APC2: variants seen among roughly 807,000 people sequenced by gnomAD.
The protein encoded by APC2 is APC regulator of Wnt signaling pathway 2, also known as adenomatous polyposis coli protein 2.
APC2 carries 41 observed loss-of-function variants against 72.5 expected under a neutral mutation model. That is an observed-to-expected ratio of 0.57 (90% CI 0.44 to 0.73). The LOEUF is 0.73. Among genes scored for constraint, APC2 ranks in the 30% least tolerant of loss-of-function variants. The pLI is 0.00. For synonymous variants in APC2, 1,898 were observed against 1,612.0 expected (o/e 1.18, Z -4.25); for missense variants, 3,729 against 3,403.4 (o/e 1.10, Z -2.38).
At position 1,470,002 on chromosome 19, in the gene APC2, G is replaced by T; in HGVS notation, c.6701G>T (p.Ser2234Ile). 1 of 1,540,824 alleles carries T rather than the reference G, an allele frequency of 6.5e-7. No homozygotes were observed. ...SLLGSDVDGP[S>I]LAKAPISAPF... The stretch of plus-strand genomic sequence containing the variant: ...CTCGGCAGCGACGTGGACGGTCCCA[G>T]CCTCGCCAAGGCTCCCATCTCCGCA... The change falls in exon 15 of 15, where the codon AGC (serine) becomes ATC (isoleucine). Residue 2234 changes from serine (S) to isoleucine (I), a missense_variant. Coordinates refer to ENST00000590469, the MANE Select transcript of APC2 (RefSeq NM_005883.3).
Position 1,469,733 on chromosome 19 carries a change from G to A in APC2, c.6432G>A (p.Thr2144=). Residue 2144 remains threonine, a synonymous_variant, in exon 15 of 15, where the codon ACG becomes ACA. Coordinates refer to ENST00000590469, the MANE Select transcript of APC2 (RefSeq NM_005883.3). The part of the protein sequence containing the change: ...RPLPRVAAPG[T]TWRRIRDEDV... ...TCCCCAGGGTGGCCGCGCCGGGCACGACCTGGCGGCGCATCCGAGATGAGG... is the reference window on the plus strand; with the variant it reads ...TCCCCAGGGTGGCCGCGCCGGGCACAACCTGGCGGCGCATCCGAGATGAGG... 1 of 1,470,794 alleles carries A rather than the reference G, an allele frequency of 6.8e-7. No individual in the cohort carries two copies. Among genetic ancestry groups the A allele is most frequent in the African/African-American group, 1.5e-5 (1 of 67,758 alleles). The allele number at this position is 1,470,794 out of a possible 1,614,324, so 91.1% of individuals were successfully genotyped here.
chr19:1,464,428 C>T (rs1389917757), intron 14 of APC2, among the ~76,000 whole-genome samples: 1 of 151,912 alleles, frequency 6.6e-6, no homozygotes, highest in African/African-American at 2.4e-5. Context: ...TCGTGGCTCA[C>T]GCCTGTAATC....
Position 1,457,373 on chromosome 19 carries a change from C to A in APC2, c.1207+130C>A, listed in dbSNP as rs1187455580. On this transcript the variant is annotated intron_variant, in intron 9 of 14. Transcript: ENST00000590469. ...GCGTTGGAGGCTGCAGTACCAGGCT[C>A]CGGCCGAGGCCTGTGGGGGCATTTG... 5.4e-6 allele frequency: 7 copies of A among 1,299,702 alleles called. No homozygotes were observed. The South Asian group carries it at 9.7e-5, about 18-fold the overall frequency. 80.5% of individuals were successfully genotyped at this position (1,299,702 alleles called of 1,614,324 possible).
chr19:1,457,329 C>G (rs1260261037), intron 9 of APC2, 86 bp downstream of exon 9: 19 of 1,436,926 alleles, frequency 1.3e-5, no homozygotes, highest in Middle Eastern at 5.0e-4. Context: ...GACCTCCAGC[C>G]TTTGCTGCCT....
At chr19:1,464,908 C>G (rs2083981642) in intron 14 of APC2, among the ~76,000 whole-genome samples, 1 of 151,154 alleles carries the variant, frequency 6.6e-6, no homozygotes. Context: ...ACTGGGATTA[C>G]AGGTGTGATC....
rs916434537 is a variant in APC2 at position 1,472,702 on chromosome 19, C to G, written c.*2489C>G. On this transcript the variant is annotated 3_prime_UTR_variant, in exon 15 of 15. Transcript: ENST00000590469. ...CCAGCTGTCTCCAGAAGGGGACAGG[C>G]AGTCCGCGGTCTCTGGACAATCAAC... The G allele has an allele frequency of 6.6e-6, 1 of 152,176 alleles. No homozygotes were observed. Among genetic ancestry groups the G allele is most frequent in the African/African-American group, 2.4e-5 (1 of 41,386 alleles). 9.4% of individuals were successfully genotyped at this position (152,176 alleles called of 1,614,324 possible). A position where few individuals can be genotyped will look rare whatever the true frequency, so the allele number is the denominator to read the frequency against.
chr19:1,465,495 G>T lies in APC2; in HGVS notation c.2194G>T (p.Ala732Ser), dbSNP rs1666770955. Residue 732 changes from alanine to serine, a missense_variant, in exon 15 of 15, where the codon GCA becomes TCA. Ala to Ser is a moderately conservative substitution (Grantham distance 99, BLOSUM62 1). Transcript: ENST00000590469. ...KQRALEAELD[A>S]RHLAQALEHL... is the part of the protein sequence containing the mutation. Reference sequence around the variant, plus strand: ...GCGGGCGCTGGAGGCCGAGCTGGACGCACGGCACCTCGCGCAGGCGCTGGA... The same window carrying T: ...GCGGGCGCTGGAGGCCGAGCTGGACTCACGGCACCTCGCGCAGGCGCTGGA... 1.3e-6 allele frequency: 2 copies of T among 1,525,338 alleles called. No homozygotes were observed. Among genetic ancestry groups the T allele is most frequent in the Admixed American group, 4.1e-5 (2 of 48,918 alleles). The allele number at this position is 1,525,338 out of a possible 1,614,324, so 94.5% of individuals were successfully genotyped here. A position where few individuals can be genotyped will look rare whatever the true frequency, so the allele number is the denominator to read the frequency against.
intron 11 of APC2, 71 bp from the exon 12 acceptor site, chr19:1,460,709 G>A: frequency 6.8e-7 from 1 of 1,474,086 alleles, no homozygotes; most frequent in South Asian, 1.2e-5. Context: ...ACACAGACGG[G>A]GCTGGGAGGT....
chr19:1,446,556 C>T (rs1437791495), upstream of APC2, among the ~76,000 whole-genome samples: 1 of 151,866 alleles, frequency 6.6e-6, no homozygotes, highest in Admixed American at 6.6e-5. The surrounding 1 kb of genome is among the most constrained non-coding windows in gnomAD (Gnocchi z 6.1). Flanking sequence ...TCTCGTGCGC[C>T]GCTGCGACCC....
rs937704997 is a variant in APC2 at position 1,452,602 on chromosome 19, G to C, written c.-18-382G>C. On this transcript the variant is annotated intron_variant, in intron 1 of 14. Coordinates refer to ENST00000590469, the MANE Select transcript of APC2 (RefSeq NM_005883.3). The surrounding 1 kb of genome is among the most constrained non-coding windows in gnomAD (Gnocchi z 5.1). ...CTGGGGGTGCTGGGCTGGCCAGTCGGCTTGCTGGGTTAGGCTGTCCCAGCT... is the reference window on the plus strand; with the variant it reads ...CTGGGGGTGCTGGGCTGGCCAGTCGCCTTGCTGGGTTAGGCTGTCCCAGCT... 6 of 194,028 alleles carry C rather than the reference G, an allele frequency of 3.1e-5. No individual in the cohort carries two copies. Among genetic ancestry groups the C allele is most frequent in the East Asian group, 1.4e-4 (1 of 7,002 alleles). The allele number at this position is 194,028 out of a possible 1,614,324, so 12.0% of individuals were successfully genotyped here.
Position 1,453,417 on chromosome 19 carries a change from C to T in APC2, c.233-14C>T. The stretch of plus-strand genomic sequence containing the variant: ...GCAGGGCCGCTGACCTCCGCCCTGT[C>T]CCCGCCCATCCAGCCCTACAGATGG... On this transcript the variant is annotated splice_polypyrimidine_tract_variant and intron_variant, in intron 3 of 14. Coordinates refer to ENST00000590469, the MANE Select transcript of APC2 (RefSeq NM_005883.3). The T allele has an allele frequency of 6.2e-7, 1 of 1,603,996 alleles. No individual in the cohort carries two copies. The highest frequency in any genetic ancestry group is 8.5e-7 in the Non-Finnish European group (1 of 1,173,600).
Position 1,462,084 on chromosome 19 carries a change from A to G in APC2, c.1760A>G (p.Tyr587Cys), listed in dbSNP as rs143029309. The G allele has an allele frequency of 1.2e-6, 2 of 1,612,950 alleles. No homozygotes were observed. Among genetic ancestry groups the G allele is most frequent in the Admixed American group, 1.7e-5 (1 of 60,010 alleles). Residue 587 changes from tyrosine (Y) to cysteine (C), a missense_variant, in exon 14 of 15, where the codon TAC becomes TGC. Tyr to Cys is a radical substitution (Grantham distance 194, BLOSUM62 -2). Coordinates refer to ENST00000590469, the MANE Select transcript of APC2 (RefSeq NM_005883.3). ...GGCTTCCTGGTGAGCACCCTGACCT[A>G]CAAGTGTCAGAGCAACTCGCTGGCC... Reference protein sequence around the residue: ...ALGFLVSTLTYKCQSNSLAII... With the variant: ...ALGFLVSTLTCKCQSNSLAII...
chr19:1,465,710 C>T lies in APC2; in HGVS notation c.2409C>T (p.Ser803=), dbSNP rs746472168. ...AGCCAGCCAGCCCTGCCGCGCTGTC[C>T]CTCTTCCTGGGCAGCCCCTTCCTGC... The part of the protein sequence containing the change: ...TGEPASPAAL[S]LFLGSPFLQG... Residue 803 remains serine (S), a synonymous_variant, in exon 15 of 15, where the codon TCC becomes TCT. Coordinates refer to ENST00000590469, the MANE Select transcript of APC2 (RefSeq NM_005883.3). The T allele has an allele frequency of 1.9e-6, 3 of 1,575,524 alleles. No homozygotes were observed. The highest frequency in any genetic ancestry group is 2.3e-5 in the South Asian group (2 of 86,810).
chr19:1,469,548 C>T lies in APC2; in HGVS notation c.6247C>T (p.Arg2083Cys), dbSNP rs1462767309. 12 of 1,222,038 alleles carry T rather than the reference C, an allele frequency of 9.8e-6. No homozygotes were observed. Among genetic ancestry groups the T allele is most frequent in the South Asian group, 1.8e-5 (1 of 55,122 alleles). The allele number at this position is 1,222,038 out of a possible 1,614,324, so 75.7% of individuals were successfully genotyped here. A position where few individuals can be genotyped will look rare whatever the true frequency, so the allele number is the denominator to read the frequency against. ...ARRTTSESPS[R>C]LPVRAPAARP... The stretch of plus-strand genomic sequence containing the variant: ...GCGCACCACCTCCGAGAGCCCGTCC[C>T]GCCTGCCTGTGCGCGCGCCCGCCGC... The change falls in exon 15 of 15, where the codon CGC (arginine) becomes TGC (cysteine). Residue 2083 changes from arginine (R) to cysteine (C), a missense_variant. Physicochemically the swap from Arg to Cys is radical, Grantham distance 180 (BLOSUM62 -3). Transcript: ENST00000590469.
chr19:1,465,489 C>G lies in APC2; in HGVS notation c.2188C>G (p.Leu730Val). ...VRKQRALEAE[L>V]DARHLAQALE... ...CAAGCAGCGGGCGCTGGAGGCCGAG[C>G]TGGACGCACGGCACCTCGCGCAGGC... is the stretch of plus-strand genomic sequence containing the variant. The change falls in exon 15 of 15, where the codon CTG becomes GTG. Residue 730 changes from leucine (L) to valine (V), a missense_variant. Leu to Val is a conservative substitution (Grantham distance 32). Transcript: ENST00000590469. The G allele has an allele frequency of 6.5e-7, 1 of 1,527,468 alleles. No individual in the cohort carries two copies. Among genetic ancestry groups the G allele is most frequent in the African/African-American group, 1.4e-5 (1 of 72,010 alleles). 94.6% of individuals were successfully genotyped at this position (1,527,468 alleles called of 1,614,324 possible).
rs1463348013 is a variant in APC2, at chr19:1,462,128, G to A, written c.1804G>A (p.Gly602Ser). The A allele has an allele frequency of 7.4e-6, 12 of 1,612,184 alleles. No individual in the cohort carries two copies. Among genetic ancestry groups the A allele is most frequent in the South Asian group, 4.4e-5 (4 of 91,068 alleles). ...GCTGGCCATCATCGAGAGCGGCGGCGGCATCCTCCGCAATGTGTCCAGCCT... is the reference window on the plus strand; with the variant it reads ...GCTGGCCATCATCGAGAGCGGCGGCAGCATCCTCCGCAATGTGTCCAGCCT... ...NSLAIIESGG[G>S]ILRNVSSLVA... Residue 602 changes from glycine (G) to serine (S), a missense_variant, in exon 14 of 15, where the codon GGC becomes AGC. Gly to Ser is a moderately conservative substitution (Grantham distance 56). Coordinates refer to ENST00000590469, the MANE Select transcript of APC2 (RefSeq NM_005883.3).
Position 1,457,167 on chromosome 19 carries a change from C to T in APC2, c.1131C>T (p.Ile377=). The change falls in exon 9 of 15, where the codon ATC becomes ATT. Residue 377 remains isoleucine, a synonymous_variant. Coordinates refer to ENST00000590469, the MANE Select transcript of APC2 (RefSeq NM_005883.3). ...GCGTCCTGCACGTGCTGGAGCAGATCCGGGCCTACTGCGAGACCTGCTGGG... is the reference window on the plus strand; with the variant it reads ...GCGTCCTGCACGTGCTGGAGCAGATTCGGGCCTACTGCGAGACCTGCTGGG... ...EMRVLHVLEQ[I]RAYCETCWDW... 6.3e-7 allele frequency: 1 copy of T among 1,583,378 alleles called. No homozygotes were observed. The highest frequency in any genetic ancestry group is 1.8e-4 in the Middle Eastern group (1 of 5,434).
chr19:1,452,922 C>G lies in APC2; in HGVS notation c.-18-62C>G. 3 of 1,557,232 alleles carry G rather than the reference C, an allele frequency of 1.9e-6. No individual in the cohort carries two copies. The highest frequency in any genetic ancestry group is 1.3e-5 in the African/African-American group (1 of 74,124). ...GGGCTTAGGTCAGGGGCCGTCTGTCCGGAAGGCATCACCGCGCCCTCCCCA... is the reference window on the plus strand; with the variant it reads ...GGGCTTAGGTCAGGGGCCGTCTGTCGGGAAGGCATCACCGCGCCCTCCCCA... On this transcript the variant is annotated intron_variant, in intron 1 of 14. Transcript: ENST00000590469. This position sits in a 1 kb window ranked among gnomAD's most constrained non-coding sequence, Gnocchi z 5.1.
chr19:1,446,350 C>G, upstream of APC2: 1 of 985,248 alleles, frequency 1.0e-6, no homozygotes, highest in Non-Finnish European at 1.2e-6. The surrounding 1 kb of genome is among the most constrained non-coding windows in gnomAD (Gnocchi z 6.1). Flanking sequence ...AGGTAGGGCG[C>G]GTGGGTCGAG....
Sources: gnomAD v4.1 joint callset for allele counts (sites outside exome capture counted in the v4.1 genomes callset) on GRCh38, gnomAD v4.1.1 for gene constraint, Gnocchi (gnomAD v3.1) non-coding constraint, MANE v1.5 for transcripts, NCBI Gene and HGNC (gene_info 2026-07-23, HGNC 2026-07-21) for gene names.